Variants in CASS4 observed in about 807,000 individuals in gnomAD.
CASS4 encodes the protein Cas scaffold protein family member 4.
Under a neutral mutation model 54.2 loss-of-function variants are expected in CASS4, and 22 were observed. That is an observed-to-expected ratio of 0.41 (90% CI 0.29 to 0.58). The LOEUF is 0.58. Ranked by LOEUF, CASS4 falls within the 20% of genes least tolerant of loss-of-function variation. The pLI, the probability that CASS4 is intolerant of heterozygous loss-of-function variation, is 0.36. For synonymous variants in CASS4, 409 were observed against 391.5 expected, an observed-to-expected ratio of 1.04 and a Z score of -0.53; for missense variants, 854 against 986.7, an observed-to-expected ratio of 0.87 and a Z score of 1.80.
intron 1 of CASS4, among the ~76,000 whole-genome samples, chr20:56,431,040 T>C (rs762957785): frequency 2.6e-5 from 4 of 152,134 alleles, no homozygotes; most frequent in Non-Finnish European, 5.9e-5. Context: ...GTGTATAAAA[T>C]AAAATATTCT....
intron 2 of CASS4, among the ~76,000 whole-genome samples, chr20:56,442,218 T>C (rs1980494832): frequency 6.6e-6 from 1 of 151,834 alleles, no homozygotes; most frequent in African/African-American, 2.4e-5. Context: ...GTCATTTTTC[T>C]CAAGTTGTCC....
At position 56,451,967 on chromosome 20, in the gene CASS4, C is replaced by A; in HGVS notation, c.791C>A (p.Ala264Glu). The stretch of plus-strand genomic sequence containing the variant: ...AGAAACACGCCTCTCACCAGCTTTG[C>A]GGAAGAATCAAGGCCCCACGCTCTC... Reference protein sequence around the residue: ...SVRNTPLTSFAEESRPHALPS... With the variant: ...SVRNTPLTSFEEESRPHALPS... Residue 264 changes from alanine (A) to glutamate (E), a missense_variant, in exon 5 of 6, where the codon GCG (alanine) becomes GAG (glutamate). Ala to Glu is a moderately radical substitution (Grantham distance 107). Coordinates refer to ENST00000679887, the MANE Select transcript of CASS4 (RefSeq NM_020356.4). 1.2e-6 allele frequency: 2 copies of A among 1,614,180 alleles called. No individual in the cohort carries two copies. Among genetic ancestry groups the A allele is most frequent in the South Asian group, 1.1e-5 (1 of 91,082 alleles).
intron 1 of CASS4, among the ~76,000 whole-genome samples, chr20:56,429,457 G>A (rs2146272904): frequency 6.6e-6 from 1 of 152,190 alleles, no homozygotes; most frequent in South Asian, 2.1e-4. Context: ...CGCCTCTCTG[G>A]CTTCCACTTG....
chr20:56,443,232 T>C (rs1357492519), intron 2 of CASS4, among the ~76,000 whole-genome samples: 2 of 151,228 alleles, frequency 1.3e-5, no homozygotes, highest in East Asian at 3.9e-4. Context: ...CTGTAATCCT[T>C]CCACTTTGGG....
chr20:56,412,628 G>A lies in CASS4; in HGVS notation c.36+134G>A. 1.1e-6 allele frequency: 1 copy of A among 897,770 alleles called. No individual in the cohort carries two copies. Among genetic ancestry groups the A allele is most frequent in the Non-Finnish European group, 1.7e-6 (1 of 578,058 alleles). The allele number at this position is 897,770 out of a possible 1,614,324, so 55.6% of individuals were successfully genotyped here. ...TGACGTGTGAGTTGGAGATGGGAAAGTTTAACATAAGTTTAAGTGTGGGAA... is the reference window on the plus strand; with the variant it reads ...TGACGTGTGAGTTGGAGATGGGAAAATTTAACATAAGTTTAAGTGTGGGAA... On this transcript the variant is annotated intron_variant, in intron 1 of 5. Coordinates refer to ENST00000679887, the MANE Select transcript of CASS4 (RefSeq NM_020356.4). The surrounding 1 kb of genome is among the most constrained non-coding windows in gnomAD (Gnocchi z 4.2).
rs568254800 is a variant in CASS4 at position 56,450,490 on chromosome 20, G to A, written c.562-109G>A. Reference sequence around the variant, plus strand: ...GACCAAAAGCACCGAAAAGTCTTCAGGAATTTGTGTCTTCCTTTGGAAAAA... The same window carrying A: ...GACCAAAAGCACCGAAAAGTCTTCAAGAATTTGTGTCTTCCTTTGGAAAAA... On this transcript the variant is annotated intron_variant, in intron 3 of 5. Coordinates refer to ENST00000679887, the MANE Select transcript of CASS4 (RefSeq NM_020356.4). 3.9e-6 allele frequency: 4 copies of A among 1,014,398 alleles called. No homozygotes were observed. In the Admixed American group the frequency reaches 8.7e-5, roughly 22 times the overall value. The allele number at this position is 1,014,398 out of a possible 1,614,324, so 62.8% of individuals were successfully genotyped here. A position where few individuals can be genotyped will look rare whatever the true frequency, so the allele number is the denominator to read the frequency against.
upstream of CASS4, chr20:56,412,139 C>T: frequency 1.7e-5 from 6 of 358,672 alleles, no homozygotes; most frequent in South Asian, 5.3e-5. The surrounding 1 kb of genome is among the most constrained non-coding windows in gnomAD (Gnocchi z 4.2). Context: ...TCTTCTTCTT[C>T]TTCTTTTGTG....
chr20:56,426,500 T>C (rs922876688), intron 1 of CASS4, among the ~76,000 whole-genome samples: 10 of 152,208 alleles, frequency 6.6e-5, no homozygotes, highest in African/African-American at 2.4e-4. Context: ...AGGGGCTACA[T>C]TGAATCTAAA....
At chr20:56,416,255 G>A (rs1979131220) in intron 1 of CASS4, among the ~76,000 whole-genome samples, 1 of 152,138 alleles carries the variant, frequency 6.6e-6, no homozygotes, top group Non-Finnish European at 1.5e-5. Flanking sequence ...TCACCATATT[G>A]GCCAGGCTGG....
intron 1 of CASS4, among the ~76,000 whole-genome samples, chr20:56,436,794 G>A (rs1203179176): frequency 2.0e-5 from 3 of 152,252 alleles, no homozygotes; most frequent in South Asian, 2.1e-4. Context: ...GGCTGGGGTG[G>A]GAGGACTGCC....
chr20:56,454,480 T>G (rs1981191598), intron 5 of CASS4, among the ~76,000 whole-genome samples: 1 of 152,218 alleles, frequency 6.6e-6, no homozygotes. Flanking sequence ...GCCATGTTGA[T>G]AGGCAAAATT....
intron 5 of CASS4, chr20:56,453,550 T>C: frequency 5.9e-6 from 1 of 168,800 alleles, no homozygotes; most frequent in Non-Finnish European, 1.3e-5. Context: ...TTCTTTCAAA[T>C]TGCCCATGGT....
Position 56,452,146 on chromosome 20 carries a change from G to C in CASS4, c.970G>C (p.Asp324His). Reference sequence around the variant, plus strand: ...TGTACCCAGAGGCACATTTCCTTTGGATGAAGATGTCAGCTACAAGGTTCC... The same window carrying C: ...TGTACCCAGAGGCACATTTCCTTTGCATGAAGATGTCAGCTACAAGGTTCC... Reference protein sequence around the residue: ...FLVPRGTFPLDEDVSYKVPSS... With the variant: ...FLVPRGTFPLHEDVSYKVPSS... The change falls in exon 5 of 6, where the codon GAT becomes CAT. Residue 324 changes from aspartate (D) to histidine (H), a missense_variant. Physicochemically the swap from Asp to His is moderately conservative, Grantham distance 81. Transcript: ENST00000679887. 6.2e-7 allele frequency: 1 copy of C among 1,614,130 alleles called. No homozygotes were observed.
In CASS4 at chr20:56,452,866, A is replaced by G. The variant is rs778255229; in HGVS notation, c.1690A>G (p.Met564Val). The G allele has an allele frequency of 3.7e-6, 6 of 1,613,962 alleles. No individual in the cohort carries two copies. The highest frequency in any genetic ancestry group is 1.1e-5 in the South Asian group (1 of 91,082). The change falls in exon 5 of 6, where the codon ATG becomes GTG. Residue 564 changes from methionine (M) to valine (V), a missense_variant. Coordinates refer to ENST00000679887, the MANE Select transcript of CASS4 (RefSeq NM_020356.4). ...NSPDDLERFV[M>V]VARMLPEDIK... ...CCCAGATGACCTTGAGAGGTTTGTCATGGTGGCACGGATGCTTCCAGAAGA... is the reference window on the plus strand; with the variant it reads ...CCCAGATGACCTTGAGAGGTTTGTCGTGGTGGCACGGATGCTTCCAGAAGA...
rs146467620 is a variant in CASS4, at chr20:56,426,211, C to A, written c.37-10953C>A. On this transcript the variant is annotated intron_variant, in intron 1 of 5. Coordinates refer to ENST00000679887, the MANE Select transcript of CASS4 (RefSeq NM_020356.4). ...TCCAGTCCTGGCGTTGGCCCTTGATCGCTGAACTACCTTAAGCTACTTTCT... is the reference window on the plus strand; with the variant it reads ...TCCAGTCCTGGCGTTGGCCCTTGATAGCTGAACTACCTTAAGCTACTTTCT... Among the ~76,000 whole-genome samples, 60 of 152,326 alleles carry A rather than the reference C, an allele frequency of 3.9e-4. 1 individual carries two copies. The highest frequency in any genetic ancestry group is 6.8e-3 in the Middle Eastern group (2 of 294).
In CASS4 at chr20:56,452,079, G is replaced by A; in HGVS notation, c.903G>A (p.Gln301=). 4.3e-6 allele frequency: 7 copies of A among 1,614,170 alleles called. No individual in the cohort carries two copies. Among genetic ancestry groups the A allele is most frequent in the Non-Finnish European group, 5.9e-6 (7 of 1,180,032 alleles). Residue 301 remains glutamine, a synonymous_variant, in exon 5 of 6, where the codon CAG becomes CAA. Transcript: ENST00000679887. ...AACTGAATAACAATGTGCCCATGCA[G>A]AAAAAACTCAGCCTTCCAGAAATTC... ...TPQLNNNVPM[Q]KKLSLPEIPS...
chr20:56,450,042 T>TC (rs1980918950), intron 3 of CASS4, among the ~76,000 whole-genome samples: 3 of 152,012 alleles, frequency 2.0e-5, no homozygotes, highest in East Asian at 1.9e-4. Context: ...TTTTTTTTTT[T>TC]TTCTTTGAGA....
chr20:56,437,693 G>C lies in CASS4; in HGVS notation c.459+107G>C, dbSNP rs558831850. On this transcript the variant is annotated intron_variant, in intron 2 of 5. Coordinates refer to ENST00000679887, the MANE Select transcript of CASS4 (RefSeq NM_020356.4). The surrounding 1 kb of genome is among the most constrained non-coding windows in gnomAD (Gnocchi z 4.7). ...GTCCTTCAGATCAAACACGCAAAAC[G>C]GGAGCCCAGATTGCTGGCAATCACG... is the stretch of plus-strand genomic sequence containing the variant. 6.7e-4 allele frequency: 713 copies of C among 1,065,530 alleles called. No homozygotes were observed. Among genetic ancestry groups the C allele is most frequent in the Non-Finnish European group, 8.7e-4 (669 of 764,784 alleles). 66.0% of individuals were successfully genotyped at this position (1,065,530 alleles called of 1,614,324 possible).
In CASS4 at chr20:56,452,709, C is replaced by A. The variant is rs1383494335; in HGVS notation, c.1533C>A (p.Asn511Lys). ...HGTACNLTDS[N>K]LQNRIRDQMQ... ...CTGCCTGTAACCTCACTGACAGTAA[C>A]CTTCAGAACAGAATTCGGGACCAGA... is the stretch of plus-strand genomic sequence containing the variant. The change falls in exon 5 of 6, where the codon AAC becomes AAA. Residue 511 changes from asparagine (N) to lysine (K), a missense_variant. Transcript: ENST00000679887. 2 of 1,614,152 alleles carry A rather than the reference C, an allele frequency of 1.2e-6. No individual in the cohort carries two copies. Among genetic ancestry groups the A allele is most frequent in the East Asian group, 4.5e-5 (2 of 44,874 alleles).
Sources: allele counts gnomAD v4.1 joint callset (sites outside exome capture counted in the v4.1 genomes callset), GRCh38; gene constraint gnomAD v4.1.1; non-coding constraint Gnocchi (gnomAD v3.1); transcripts MANE v1.5; gene names NCBI Gene and HGNC (gene_info 2026-07-23, HGNC 2026-07-21).